Variants in VAX2 observed in about 807,000 individuals in gnomAD.
The protein encoded by VAX2 is ventral anterior homeobox 2.
VAX2 carries 8 observed loss-of-function variants against 12.5 expected under a neutral mutation model. The ratio of observed to expected loss-of-function variants is 0.64; its 90% confidence interval spans 0.37 to 1.15. The LOEUF (loss-of-function observed/expected upper bound fraction) is 1.15. Among genes scored for constraint, VAX2 ranks in the 50% most tolerant of loss-of-function variants. The pLI is 0.01. For missense variants in VAX2, 476 were observed against 412.9 expected (o/e 1.15, Z -1.32); for synonymous variants, 183 against 187.6 (o/e 0.98, Z 0.20).
chr2:70,932,890 G>A lies in VAX2; in HGVS notation c.559G>A (p.Glu187Lys), dbSNP rs782644188. The A allele has an allele frequency of 1.7e-5, 28 of 1,613,296 alleles. No homozygotes were observed. Among genetic ancestry groups the A allele is most frequent in the Middle Eastern group, 1.6e-4 (1 of 6,080 alleles). The change falls in exon 3 of 3, where the codon GAG (glutamate) becomes AAG (lysine). Residue 187 changes from glutamate (E) to lysine (K), a missense_variant. Glu to Lys is a moderately conservative substitution (Grantham distance 56). Transcript: ENST00000234392. The part of the protein sequence containing the change: ...FATSNILRLL[E>K]QGRLLSVPRA... ...CACCTCCAACATTCTGCGGCTGCTGGAGCAGGGCCGGCTGCTCTCTGTGCC... is the reference window on the plus strand; with the variant it reads ...CACCTCCAACATTCTGCGGCTGCTGAAGCAGGGCCGGCTGCTCTCTGTGCC...
At chr2:70,918,863 CAA>C (rs531465293) in intron 1 of VAX2, among the ~76,000 whole-genome samples, 47,836 of 99,336 alleles carry the variant, frequency 0.48, 10,208 homozygotes, top group East Asian at 0.66. Flanking sequence ...CCAGCCGTCT[CAA>C]AAAAAAAAAA....
At chr2:70,919,719 G>A (rs1160119085) in intron 1 of VAX2, among the ~76,000 whole-genome samples, 1 of 152,096 alleles carries the variant, frequency 6.6e-6, no homozygotes, top group African/African-American at 2.4e-5. Context: ...GGGCGTGGTG[G>A]TGTGCTCCTG....
In VAX2 at chr2:70,932,811, C is replaced by T. The variant is rs201302985; in HGVS notation, c.480C>T (p.Asp160=). Residue 160 remains aspartate (D), a synonymous_variant, in exon 3 of 3, where the codon GAC becomes GAT. Coordinates refer to ENST00000234392, the MANE Select transcript of VAX2 (RefSeq NM_012476.3). ...ACCGCCGCACCAAGCAGAAGAAAGA[C>T]CAGAGCAGAGACCTGGAGAAGCGGG... ...FQNRRTKQKK[D]QSRDLEKRAS... 1.4e-4 allele frequency: 218 copies of T among 1,606,812 alleles called. 1 individual carries two copies. The East Asian group carries it at 4.8e-3, about 35-fold the overall frequency.
intron 1 of VAX2, among the ~76,000 whole-genome samples, chr2:70,920,257 C>T (rs1376317930): frequency 2.6e-5 from 4 of 152,158 alleles, no homozygotes; most frequent in Non-Finnish European, 5.9e-5. Context: ...AGATTTCAAG[C>T]CATCAGTATA....
chr2:70,906,429 C>T (rs1269302594), intron 1 of VAX2, among the ~76,000 whole-genome samples: 1 of 150,160 alleles, frequency 6.7e-6, no homozygotes, highest in Admixed American at 6.6e-5. Context: ...CTGGCGGAGG[C>T]TTGGGCTTGT....
intron 2 of VAX2, among the ~76,000 whole-genome samples, chr2:70,928,821 T>C (rs1418555585): frequency 2.6e-5 from 4 of 152,254 alleles, no homozygotes; most frequent in African/African-American, 7.2e-5. Context: ...AAGCCAGCGA[T>C]AAATAACTAT....
At position 70,932,954 on chromosome 2, in the gene VAX2, C is replaced by G. The variant is rs1679733399; in HGVS notation, c.623C>G (p.Pro208Arg). Residue 208 changes from proline (P) to arginine (R), a missense_variant, in exon 3 of 3, where the codon CCA becomes CGA. Transcript: ENST00000234392. ...CTCCTGGCGCTGACCCCTAGCCTGC[C>G]AGGCCTACCTGCCAGCCACAGGGGC... ...PSLLALTPSL[P>R]GLPASHRGTS... 6 of 1,612,202 alleles carry G rather than the reference C, an allele frequency of 3.7e-6. No homozygotes were observed. The highest frequency in any genetic ancestry group is 5.1e-6 in the Non-Finnish European group (6 of 1,179,168).
intron 2 of VAX2, among the ~76,000 whole-genome samples, chr2:70,931,791 G>A (rs1300164391): frequency 6.6e-6 from 1 of 152,242 alleles, no homozygotes; most frequent in Non-Finnish European, 1.5e-5. Flanking sequence ...GCCAATGGGG[G>A]GCTATTTGCA....
At chr2:70,925,798 G>C (rs1679558534) in intron 2 of VAX2, among the ~76,000 whole-genome samples, 1 of 152,116 alleles carries the variant, frequency 6.6e-6, no homozygotes. Context: ...TGGGCCCGAG[G>C]GATTCAGCAC....
At chr2:70,923,870 C>T (rs1349267680) in intron 2 of VAX2, among the ~76,000 whole-genome samples, 8 of 152,180 alleles carry the variant, frequency 5.3e-5, no homozygotes, top group East Asian at 1.9e-4. Context: ...CAGTGGCTCA[C>T]GCCTGCAATC....
chr2:70,933,054 G>A lies in VAX2; in HGVS notation c.723G>A (p.Leu241=). The A allele has an allele frequency of 6.2e-7, 1 of 1,604,988 alleles. No homozygotes were observed. The highest frequency in any genetic ancestry group is 1.1e-5 in the South Asian group (1 of 89,450). The stretch of plus-strand genomic sequence containing the variant: ...CCTCGGCCTCAGCGTCCCCCCCACT[G>A]CCGCCCCCTCTGCCAGCTGTCTGCT... The part of the protein sequence containing the change: ...PLSSASASPP[L]PPPLPAVCFS... The change falls in exon 3 of 3, where the codon CTG becomes CTA. Residue 241 remains leucine (L), a synonymous_variant. Coordinates refer to ENST00000234392, the MANE Select transcript of VAX2 (RefSeq NM_012476.3).
intron 1 of VAX2, among the ~76,000 whole-genome samples, chr2:70,912,729 G>C (rs540332989): frequency 6.6e-6 from 1 of 152,246 alleles, no homozygotes; most frequent in East Asian, 1.9e-4. Context: ...AGGAAAAGAA[G>C]TGAGATAGGG....
At chr2:70,920,046 G>A (rs1679417581) in intron 1 of VAX2, among the ~76,000 whole-genome samples, 1 of 152,090 alleles carries the variant, frequency 6.6e-6, no homozygotes, top group Non-Finnish European at 1.5e-5. Context: ...ACCTGTGGAG[G>A]GTTGCTTGCT....
chr2:70,927,929 T>C (rs1457407796), intron 2 of VAX2, among the ~76,000 whole-genome samples: 1 of 152,068 alleles, frequency 6.6e-6, no homozygotes, highest in African/African-American at 2.4e-5. Context: ...GAAGGTGCAC[T>C]GGGCAGGTGA....
Position 70,904,953 on chromosome 2 carries a change from C to T in VAX2, c.247+4085C>T, listed in dbSNP as rs574744117. Among the ~76,000 whole-genome samples, 4 of 152,334 alleles carry T rather than the reference C, an allele frequency of 2.6e-5. No individual in the cohort carries two copies. Among genetic ancestry groups the T allele is most frequent in the South Asian group, 2.1e-4 (1 of 4,832 alleles). ...GCCGGGGCCCTAACTCCCAGAGACG[C>T]GTCTGAAGAAGCCATACAAGGGGGC... On this transcript the variant is annotated intron_variant, in intron 1 of 2. Coordinates refer to ENST00000234392, the MANE Select transcript of VAX2 (RefSeq NM_012476.3). The surrounding 1 kb of genome is among the most constrained non-coding windows in gnomAD (Gnocchi z 4.2).
chr2:70,922,047 G>A (rs558719784), intron 2 of VAX2, among the ~76,000 whole-genome samples: 35 of 152,256 alleles, frequency 2.3e-4, no homozygotes, highest in African/African-American at 7.7e-4. Flanking sequence ...CATGTTACAC[G>A]TGAAAGGAAG....
In VAX2 at chr2:70,900,844, C is replaced by A; in HGVS notation, c.223C>A (p.His75Asn). 1 of 1,448,800 alleles carries A rather than the reference C, an allele frequency of 6.9e-7. No individual in the cohort carries two copies. Among genetic ancestry groups the A allele is most frequent in the Non-Finnish European group, 9.1e-7 (1 of 1,098,868 alleles). The allele number at this position is 1,448,800 out of a possible 1,614,324, so 89.7% of individuals were successfully genotyped here. ...DGQPGPGEADHCRRILVRDAK... is the reference protein window; with the variant it reads ...DGQPGPGEADNCRRILVRDAK... ...GCAGCCCGGGCCCGGCGAGGCAGAC[C>A]ACTGCCGCCGCATACTGGTGCGAGG... The change falls in exon 1 of 3, where the codon CAC (histidine) becomes AAC (asparagine). Residue 75 changes from histidine to asparagine, a missense_variant. Coordinates refer to ENST00000234392, the MANE Select transcript of VAX2 (RefSeq NM_012476.3).
chr2:70,932,918 G>T lies in VAX2; in HGVS notation c.587G>T (p.Arg196Met). ...LEQGRLLSVP[R>M]APSLLALTPS... ...CAGGGCCGGCTGCTCTCTGTGCCCA[G>T]GGCCCCTAGCCTCCTGGCGCTGACC... The change falls in exon 3 of 3, where the codon AGG (arginine) becomes ATG (methionine). Residue 196 changes from arginine (R) to methionine (M), a missense_variant. Transcript: ENST00000234392. 1 of 1,613,218 alleles carries T rather than the reference G, an allele frequency of 6.2e-7. No individual in the cohort carries two copies. The highest frequency in any genetic ancestry group is 8.5e-7 in the Non-Finnish European group (1 of 1,179,914).
In VAX2 at chr2:70,904,113, G is replaced by T. The variant is rs1214677585; in HGVS notation, c.247+3245G>T. Among the ~76,000 whole-genome samples the T allele has an allele frequency of 2.0e-5, 3 of 152,242 alleles. No individual in the cohort carries two copies. The highest frequency in any genetic ancestry group is 6.5e-5 in the Admixed American group (1 of 15,286). ...CCCCGCACATCGCACCGCGGACGCA[G>T]CGATCCTCCCATTTGTACCCTAAGG... is the stretch of plus-strand genomic sequence containing the variant. On this transcript the variant is annotated intron_variant, in intron 1 of 2. Coordinates refer to ENST00000234392, the MANE Select transcript of VAX2 (RefSeq NM_012476.3). This position sits in a 1 kb window ranked among gnomAD's most constrained non-coding sequence, Gnocchi z 4.2.
Sources: gnomAD v4.1 joint callset for allele counts (sites outside exome capture counted in the v4.1 genomes callset) on GRCh38, gnomAD v4.1.1 for gene constraint, Gnocchi (gnomAD v3.1) non-coding constraint, MANE v1.5 for transcripts, NCBI Gene and HGNC (gene_info 2026-07-23, HGNC 2026-07-21) for gene names.